Variants in SPOCK3 observed in about 807,000 individuals in gnomAD.
The protein encoded by SPOCK3 is testican-3.
SPOCK3 carries 30 observed loss-of-function variants against 56.6 expected under a neutral mutation model. That is an observed-to-expected ratio of 0.53 (90% CI 0.40 to 0.72). SPOCK3 has a LOEUF of 0.72. Among genes scored for constraint, SPOCK3 ranks in the 30% least tolerant of loss-of-function variants. SPOCK3 has a pLI of 0.00. For missense variants in SPOCK3, 527 were observed against 530.0 expected (o/e 0.99, Z 0.06); for synonymous variants, 196 against 183.3 (o/e 1.07, Z -0.56).
At chr4:167,033,101 T>C (rs901687496) in intron 3 of SPOCK3, among the ~76,000 whole-genome samples, 4 of 151,978 alleles carry the variant, frequency 2.6e-5, no homozygotes, top group African/African-American at 9.7e-5. Flanking sequence ...TTAGTCATAA[T>C]ATCATGGTAT....
chr4:166,796,989 T>C (rs1277531813), intron 6 of SPOCK3, among the ~76,000 whole-genome samples: 1 of 152,132 alleles, frequency 6.6e-6, no homozygotes, highest in Non-Finnish European at 1.5e-5. Context: ...ATCCTCCCAT[T>C]ACCTAGGGCC....
intron 10 of SPOCK3, 72 bp downstream of exon 10, chr4:166,737,395 C>A (rs1734319858): frequency 2.0e-6 from 3 of 1,477,534 alleles, no homozygotes; most frequent in Non-Finnish European, 2.8e-6. Flanking sequence ...AATGCTTGAA[C>A]AAATGAATGA....
At position 166,734,823 on chromosome 4, in the gene SPOCK3, A is replaced by G. The variant is rs1025618774; in HGVS notation, c.*98T>C. The G allele has an allele frequency of 9.7e-7, 1 of 1,026,566 alleles. No homozygotes were observed. The highest frequency in any genetic ancestry group is 1.4e-6 in the Non-Finnish European group (1 of 716,794). The allele number at this position is 1,026,566 out of a possible 1,614,324, so 63.6% of individuals were successfully genotyped here. ...ATTATACAAAATATATGTGAGGTTT[A>G]GAATCATTTTGTTATTGGGGAAGAA... On this transcript the variant is annotated 3_prime_UTR_variant, in exon 11 of 11. Transcript: ENST00000357545.
At chr4:167,072,504 A>C (rs1171143148) in intron 2 of SPOCK3, among the ~76,000 whole-genome samples, 1 of 151,944 alleles carries the variant, frequency 6.6e-6, no homozygotes, top group Non-Finnish European at 1.5e-5. Flanking sequence ...AAAAATGAGA[A>C]AGCAATATTT....
chr4:166,928,076 C>T (rs1015288231), intron 4 of SPOCK3, among the ~76,000 whole-genome samples: 1 of 152,230 alleles, frequency 6.6e-6, no homozygotes, highest in African/African-American at 2.4e-5. Context: ...GCTGACAACA[C>T]CAAAAGCTGG....
chr4:166,959,626 A>G (rs1743913900), intron 4 of SPOCK3, among the ~76,000 whole-genome samples: 1 of 152,140 alleles, frequency 6.6e-6, no homozygotes, highest in Non-Finnish European at 1.5e-5. Context: ...AAAGAAAAAA[A>G]AAAAAGACTG....
chr4:167,108,917 C>A (rs778426596), intron 2 of SPOCK3, among the ~76,000 whole-genome samples: 1 of 126,712 alleles, frequency 7.9e-6, no homozygotes, highest in African/African-American at 3.0e-5. Flanking sequence ...TCTCATATAC[C>A]GCACAAATAT....
chr4:167,167,469 C>T (rs1329521908), intron 2 of SPOCK3, among the ~76,000 whole-genome samples: 2 of 152,138 alleles, frequency 1.3e-5, no homozygotes, highest in Non-Finnish European at 2.9e-5. Flanking sequence ...AGTCAAACTC[C>T]ATCTGCCTAT....
At chr4:167,018,037 AC>A (rs1750808991) in intron 3 of SPOCK3, among the ~76,000 whole-genome samples, 1 of 152,048 alleles carries the variant, frequency 6.6e-6, no homozygotes, top group Non-Finnish European at 1.5e-5. Context: ...TTGGGAAGAA[AC>A]CAAATACTAT....
intron 4 of SPOCK3, among the ~76,000 whole-genome samples, chr4:166,961,122 T>A (rs1744098258): frequency 6.6e-6 from 1 of 152,040 alleles, no homozygotes; most frequent in African/African-American, 2.4e-5. Context: ...AAGAAAACAT[T>A]TTAAAAAACT....
intron 2 of SPOCK3, among the ~76,000 whole-genome samples, chr4:167,233,258 TTAATAACC>T (rs1288566864): frequency 6.6e-6 from 1 of 152,182 alleles, no homozygotes; most frequent in African/African-American, 2.4e-5. Flanking sequence ...TGGCTCCCTC[TTAATAACC>T]CTTTTGAAAA....
intron 5 of SPOCK3, among the ~76,000 whole-genome samples, chr4:166,901,538 C>G (rs1462140344): frequency 6.6e-6 from 1 of 152,104 alleles, no homozygotes; most frequent in Non-Finnish European, 1.5e-5. Flanking sequence ...GACATTGTTT[C>G]TGAAAGGCAT....
At chr4:167,080,318 T>A (rs1757593656) in intron 2 of SPOCK3, among the ~76,000 whole-genome samples, 1 of 152,110 alleles carries the variant, frequency 6.6e-6, no homozygotes, top group African/African-American at 2.4e-5. Flanking sequence ...GGAATGCCAC[T>A]TGCAAACAAG....
intron 3 of SPOCK3, among the ~76,000 whole-genome samples, chr4:167,057,803 T>G (rs1755070632): frequency 6.6e-6 from 1 of 152,120 alleles, no homozygotes; most frequent in African/African-American, 2.4e-5. Context: ...CTGAGTGACG[T>G]ACAAAGAGAC....
At chr4:166,837,914 A>G (rs2091132558) in intron 6 of SPOCK3, among the ~76,000 whole-genome samples, 1 of 152,104 alleles carries the variant, frequency 6.6e-6, no homozygotes, top group Non-Finnish European at 1.5e-5. Flanking sequence ...ATGTTCCCTT[A>G]ATTCTTGAAA....
chr4:167,008,752 A>G (rs1030266805), intron 3 of SPOCK3, among the ~76,000 whole-genome samples: 1 of 152,130 alleles, frequency 6.6e-6, no homozygotes, highest in Non-Finnish European at 1.5e-5. Context: ...AAAATCAAAT[A>G]CCACATATTC....
intron 4 of SPOCK3, among the ~76,000 whole-genome samples, chr4:166,997,779 G>C (rs1748541173): frequency 6.6e-6 from 1 of 152,148 alleles, no homozygotes; most frequent in African/African-American, 2.4e-5. Context: ...AGAGGAGACT[G>C]GAAAGTGTGT....
chr4:167,089,961 GTT>G (rs11331704), intron 2 of SPOCK3, among the ~76,000 whole-genome samples: 23 of 152,126 alleles, frequency 1.5e-4, no homozygotes, highest in African/African-American at 5.1e-4. Flanking sequence ...AGTAGTCTGG[GTT>G]TTTTTTTATT....
intron 3 of SPOCK3, among the ~76,000 whole-genome samples, chr4:167,006,951 G>A (rs1482740994): frequency 6.6e-6 from 1 of 152,100 alleles, no homozygotes; most frequent in Non-Finnish European, 1.5e-5. Context: ...GGGTAAATAT[G>A]CTGTCATTCT....
Sources: gnomAD v4.1 joint callset for allele counts (sites outside exome capture counted in the v4.1 genomes callset) on GRCh38, gnomAD v4.1.1 for gene constraint, MANE v1.5 for transcripts, NCBI Gene and HGNC (gene_info 2026-07-23, HGNC 2026-07-21) for gene names.